TRDN: variants seen among roughly 807,000 people sequenced by gnomAD.
TRDN encodes triadin.
A neutral mutation model predicts 149.7 loss-of-function variants in TRDN; 161 were observed. The ratio of observed to expected loss-of-function variants is 1.08; its 90% CI spans 0.95 to 1.23. The LOEUF is 1.23. Ranked by LOEUF, TRDN falls within the 50% of genes most tolerant of loss-of-function variation. The probability of loss-of-function intolerance (pLI) is 0.00; values close to 1 mark genes in which losing one functional copy is unlikely to be tolerated. For missense variants in TRDN, 896 were observed against 823.5 expected (o/e 1.09, Z -1.08); for synonymous variants, 294 against 250.5 (o/e 1.17, Z -1.64).
chr6:123,445,005 G>T (rs1227206786), intron 10 of TRDN: 2 of 152,032 alleles, frequency 1.3e-5, no homozygotes, highest in Non-Finnish European at 2.9e-5. Context: ...TCTCTGCCAG[G>T]CTTTGGTATC....
intron 8 of TRDN, among the ~76,000 whole-genome samples, chr6:123,499,043 T>C (rs935656863): frequency 6.6e-6 from 1 of 152,024 alleles, no homozygotes; most frequent in Admixed American, 6.5e-5. Flanking sequence ...ACTCCTTAGA[T>C]GAATCTAATT....
chr6:123,258,212 C>T (rs532491744), intron 35 of TRDN, among the ~76,000 whole-genome samples: 46 of 152,194 alleles, frequency 3.0e-4, no homozygotes, highest in South Asian at 1.7e-3. Flanking sequence ...TGTCTTTTGT[C>T]GGCTTTCAAA....
At chr6:123,587,153 C>T (rs910783484) in intron 1 of TRDN, among the ~76,000 whole-genome samples, 6 of 152,060 alleles carry the variant, frequency 3.9e-5, no homozygotes, top group Admixed American at 2.6e-4. Flanking sequence ...CCCAGAAAAG[C>T]GGGACTTGCC....
intron 7 of TRDN, among the ~76,000 whole-genome samples, chr6:123,510,642 C>CTTTTTTTTTTTTTTTTTT (rs145396385): frequency 2.9e-5 from 4 of 138,480 alleles, no homozygotes; most frequent in Non-Finnish European, 4.7e-5. Context: ...TGCATGACCA[C>CTTTTTTTTTTTTTTTTTT]TTTTTTTTTT....
intron 38 of TRDN, among the ~76,000 whole-genome samples, chr6:123,249,876 A>G (rs1227808723): frequency 2.0e-5 from 3 of 152,150 alleles, no homozygotes; most frequent in South Asian, 4.1e-4. Context: ...ATAAAGAAAT[A>G]AAAGGCATCC....
At position 123,241,906 on chromosome 6, in the gene TRDN, C is replaced by T. The variant is rs77367234; in HGVS notation, c.1975+10506G>A. On this transcript the variant is annotated intron_variant, in intron 38 of 40. Transcript: ENST00000334268. The stretch of plus-strand genomic sequence containing the variant: ...AGGAAACATGGCAAAGTTAAACCTC[C>T]GCATACAATAATCTCAAGAAATGTT... Among the ~76,000 whole-genome samples, 499 of 152,132 alleles carry T rather than the reference C, an allele frequency of 3.3e-3. 2 individuals carry two copies. Among genetic ancestry groups the T allele is most frequent in the African/African-American group, 0.011 (458 of 41,522 alleles).
At chr6:123,238,111 T>C (rs1414050584) in intron 38 of TRDN, among the ~76,000 whole-genome samples, 3 of 152,166 alleles carry the variant, frequency 2.0e-5, no homozygotes, top group African/African-American at 7.2e-5. Context: ...GAGAATGTTT[T>C]CTACTAACAG....
intron 1 of TRDN, among the ~76,000 whole-genome samples, chr6:123,583,545 G>A (rs553127565): frequency 5.4e-5 from 8 of 149,382 alleles, no homozygotes; most frequent in South Asian, 2.1e-4. Context: ...ATGGAGGACC[G>A]TAAGGGATAT....
intron 1 of TRDN, among the ~76,000 whole-genome samples, chr6:123,594,234 A>G (rs1783923177): frequency 6.6e-6 from 1 of 152,160 alleles, no homozygotes; most frequent in African/African-American, 2.4e-5. Flanking sequence ...TTTTCAATAA[A>G]TTGAAATATT....
chr6:123,380,983 T>C (rs1781697622), intron 16 of TRDN, among the ~76,000 whole-genome samples: 1 of 151,982 alleles, frequency 6.6e-6, no homozygotes, highest in Non-Finnish European at 1.5e-5. Context: ...AAAAGAAAGA[T>C]AGGAAAAAAG....
intron 20 of TRDN, among the ~76,000 whole-genome samples, chr6:123,359,087 C>A (rs1286152659): frequency 6.6e-6 from 1 of 151,952 alleles, no homozygotes; most frequent in Non-Finnish European, 1.5e-5. Context: ...GAATAAATCA[C>A]TAATTATGAA....
intron 12 of TRDN, among the ~76,000 whole-genome samples, chr6:123,407,203 T>C (rs945891290): frequency 6.6e-6 from 1 of 152,186 alleles, no homozygotes; most frequent in East Asian, 1.9e-4. Context: ...GAAGCAAGTC[T>C]ACAGAGTGGG....
At chr6:123,411,304 C>T (rs1371665641) in intron 12 of TRDN, among the ~76,000 whole-genome samples, 1 of 152,018 alleles carries the variant, frequency 6.6e-6, no homozygotes, top group Non-Finnish European at 1.5e-5. Context: ...CTCGGCTTCC[C>T]AAAATGCTGG....
At chr6:123,575,237 T>A (rs1431784937) in intron 1 of TRDN, among the ~76,000 whole-genome samples, 2 of 152,002 alleles carry the variant, frequency 1.3e-5, no homozygotes, top group Non-Finnish European at 2.9e-5. Context: ...AAGGTCATCC[T>A]TCTTAAAGAA....
chr6:123,289,773 C>A lies in TRDN; in HGVS notation c.1511-10691G>T, dbSNP rs560863155. ...GTAGTCTCTTTTCCCTCAGAGTTAC[C>A]CATCTTGAGTCAATGTAGTGAAGCC... On this transcript the variant is annotated intron_variant, in intron 24 of 40. Transcript: ENST00000334268. 1.3e-4 allele frequency among the ~76,000 whole-genome samples: 20 copies of A among 152,166 alleles called. No homozygotes were observed. In the South Asian group the frequency reaches 3.7e-3, roughly 28 times the overall value.
intron 24 of TRDN, among the ~76,000 whole-genome samples, chr6:123,290,200 CTCTT>C (rs1229641937): frequency 1.3e-5 from 2 of 152,088 alleles, no homozygotes; most frequent in Admixed American, 6.5e-5. Context: ...CCTTCCCTGT[CTCTT>C]TCTATTTTCC....
intron 23 of TRDN, among the ~76,000 whole-genome samples, chr6:123,329,189 G>A (rs1177939657): frequency 1.3e-5 from 2 of 152,104 alleles, no homozygotes; most frequent in Non-Finnish European, 2.9e-5. Flanking sequence ...TTCAATAGGA[G>A]AGTTTAGTGC....
At chr6:123,304,467 T>C (rs1778537981) in intron 24 of TRDN, among the ~76,000 whole-genome samples, 1 of 152,028 alleles carries the variant, frequency 6.6e-6, no homozygotes, top group Non-Finnish European at 1.5e-5. Context: ...TTGGCCAGGA[T>C]GGTCTGGATC....
chr6:123,406,790 T>G (rs1360853865), intron 12 of TRDN, among the ~76,000 whole-genome samples: 1 of 152,176 alleles, frequency 6.6e-6, no homozygotes, highest in East Asian at 1.9e-4. Context: ...GAAGAGAAAG[T>G]ATTATTTCAC....
Sources: allele counts gnomAD v4.1 joint callset (sites outside exome capture counted in the v4.1 genomes callset), GRCh38; gene constraint gnomAD v4.1.1; transcripts MANE v1.5; gene names NCBI Gene and HGNC (gene_info 2026-07-23, HGNC 2026-07-21).